Variants in TMC5 observed in about 807,000 individuals in gnomAD.
TMC5 encodes the protein transmembrane channel like 5.
In TMC5, 86 loss-of-function variants were observed where a neutral mutation model predicts 110.5. The observed-to-expected ratio is 0.78, with a 90% confidence interval of 0.65 to 0.93. TMC5 has a LOEUF of 0.93. TMC5 is among the 40% of genes least tolerant of loss of function. TMC5 has a pLI of 0.00. For synonymous variants in TMC5, 455 were observed against 439.5 expected (o/e 1.04, Z -0.44); for missense variants, 1,144 against 1,222.8 (o/e 0.94, Z 0.96).
Position 19,487,252 on chromosome 16 carries a change from G to A in TMC5, c.2499G>A (p.Met833Ile). 1.9e-6 allele frequency: 3 copies of A among 1,614,134 alleles called. No individual in the cohort carries two copies. The highest frequency in any genetic ancestry group is 8.5e-7 in the Non-Finnish European group (1 of 1,180,024). ...AAGCCTGGCGGGCCTCACAGATGAT[G>A]ACTTTCTTCATCTTCTTGCTCTTTT... ...PSKAWRASQM[M>I]TFFIFLLFFP... Residue 833 changes from methionine (M) to isoleucine (I), a missense_variant, in exon 17 of 22, where the codon ATG (methionine) becomes ATA (isoleucine). Transcript: ENST00000542583.
intron 9 of TMC5, 128 bp from the exon 10 acceptor site, chr16:19,469,553 C>A: frequency 8.4e-7 from 1 of 1,186,042 alleles, no homozygotes; most frequent in Non-Finnish European, 1.2e-6. Context: ...CGCTCCAGGC[C>A]AACAGCTTGG....
At position 19,492,322 on chromosome 16, in the gene TMC5, C is replaced by G. The variant is rs543558234; in HGVS notation, c.2826+94C>G. 3.6e-4 allele frequency: 286 copies of G among 792,182 alleles called. 2 individuals are homozygous for G. In the African/African-American group the frequency reaches 4.4e-3, roughly 12 times the overall value. The allele number at this position is 792,182 out of a possible 1,614,324, so 49.1% of individuals were successfully genotyped here. A position where few individuals can be genotyped will look rare whatever the true frequency, so the allele number is the denominator to read the frequency against. On this transcript the variant is annotated intron_variant, in intron 19 of 21. Transcript: ENST00000542583. ...AATAAAGAGAATACTACAATGAACT[C>G]TCATATCCCTGCTCTCAGCCCTAAC...
At chr16:19,426,525 A>C (rs1299642957) in intron 1 of TMC5, among the ~76,000 whole-genome samples, 1 of 152,122 alleles carries the variant, frequency 6.6e-6, no homozygotes, top group East Asian at 1.9e-4. Context: ...ATAGCAGAGG[A>C]GCCCACTCCT....
At chr16:19,464,580 G>A (rs1288802880) in intron 8 of TMC5, among the ~76,000 whole-genome samples, 1 of 152,086 alleles carries the variant, frequency 6.6e-6, no homozygotes, top group East Asian at 1.9e-4. Context: ...CACGTACAGA[G>A]GCATTCTTTT....
rs201487437 is a variant in TMC5, at chr16:19,464,077, G to A, written c.1485+53G>A. 1.2e-4 allele frequency: 192 copies of A among 1,583,478 alleles called. 1 individual carries two copies. The highest frequency in any genetic ancestry group is 3.8e-4 in the Middle Eastern group (2 of 5,276). On this transcript the variant is annotated intron_variant, in intron 8 of 21. Coordinates refer to ENST00000542583, the MANE Select transcript of TMC5 (RefSeq NM_001261841.2). ...GTGCACCAATCACCTCGGAAACCCA[G>A]GGACGTGCCTTGCCGGTCACCCACT...
intron 5 of TMC5, among the ~76,000 whole-genome samples, chr16:19,456,101 G>A (rs927682928): frequency 2.0e-5 from 3 of 151,912 alleles, no homozygotes; most frequent in Non-Finnish European, 4.4e-5. Context: ...CAGCTACTTG[G>A]GAGGCTGAGG....
In TMC5 at chr16:19,464,557, G is replaced by A. The variant is rs187939313; in HGVS notation, c.1485+533G>A. Among the ~76,000 whole-genome samples, 761 of 152,186 alleles carry A rather than the reference G, an allele frequency of 5.0e-3. 5 individuals carry two copies. The highest frequency in any genetic ancestry group is 0.012 in the South Asian group (58 of 4,818). On this transcript the variant is annotated intron_variant, in intron 8 of 21. Coordinates refer to ENST00000542583, the MANE Select transcript of TMC5 (RefSeq NM_001261841.2). ...CCACACACTTTTTTGGCAAACATATGGACACTTCTGTGCACGTACAGAGGC... is the reference window on the plus strand; with the variant it reads ...CCACACACTTTTTTGGCAAACATATAGACACTTCTGTGCACGTACAGAGGC...
chr16:19,462,472 A>G (rs1345008699), intron 6 of TMC5: 1 of 699,656 alleles, frequency 1.4e-6, no homozygotes, highest in Non-Finnish European at 2.6e-6. Flanking sequence ...TATAAAGGAA[A>G]GAGGTTTAAT....
At chr16:19,442,325 ATTTTTT>A (rs143016414) in intron 3 of TMC5, among the ~76,000 whole-genome samples, 8 of 123,440 alleles carry the variant, frequency 6.5e-5, no homozygotes, top group Admixed American at 8.3e-5. Flanking sequence ...ACAAAATGTA[ATTTTTT>A]TTTTTTTTTT....
At position 19,498,023 on chromosome 16, in the gene TMC5, G is replaced by T. The variant is rs1335441255; in HGVS notation, c.*57G>T. ...TAAGGGGAGGAGACGAAAATGGAAT[G>T]ATTTCTTCCATGCCACCTGTGCCTT... On this transcript the variant is annotated 3_prime_UTR_variant, in exon 22 of 22. Coordinates refer to ENST00000542583, the MANE Select transcript of TMC5 (RefSeq NM_001261841.2). 6 of 1,518,100 alleles carry T rather than the reference G, an allele frequency of 4.0e-6. No homozygotes were observed. In the African/African-American group the frequency reaches 5.5e-5, roughly 14 times the overall value. The allele number at this position is 1,518,100 out of a possible 1,614,324, so 94.0% of individuals were successfully genotyped here.
At chr16:19,491,002 C>CCTTCCTTA (rs1257422709) in intron 18 of TMC5, among the ~76,000 whole-genome samples, 1 of 130,502 alleles carries the variant, frequency 7.7e-6, no homozygotes, top group African/African-American at 2.9e-5. Context: ...TTCCTTCCTT[C>CCTTCCTTA]CTTACTTCTC....
At chr16:19,472,437 G>A (rs958026597) in intron 11 of TMC5, among the ~76,000 whole-genome samples, 194 bp downstream of exon 11, 22 of 152,122 alleles carry the variant, frequency 1.4e-4, no homozygotes, top group African/African-American at 3.9e-4. Context: ...CTGGGAGGCC[G>A]AGGCAGGAGG....
At position 19,449,529 on chromosome 16, in the gene TMC5, C is replaced by G. The variant is rs1967699647; in HGVS notation, c.959-13C>G. ...GAGACTAATCGGCAATATCTCCTTC[C>G]TCTTCCCTCCAGTGAACCCTGCTTA... On this transcript the variant is annotated splice_polypyrimidine_tract_variant and intron_variant, in intron 4 of 21. Coordinates refer to ENST00000542583, the MANE Select transcript of TMC5 (RefSeq NM_001261841.2). 1 of 1,611,826 alleles carries G rather than the reference C, an allele frequency of 6.2e-7. No individual in the cohort carries two copies. Among genetic ancestry groups the G allele is most frequent in the Admixed American group, 1.7e-5 (1 of 59,990 alleles).
At chr16:19,490,248 C>G (rs1968852660) in intron 17 of TMC5, 147 bp from the exon 18 acceptor site, 6 of 784,862 alleles carry the variant, frequency 7.6e-6, no homozygotes, top group African/African-American at 3.5e-5. Context: ...AGGCTGAGAG[C>G]AAGAGGGTTT....
chr16:19,466,716 G>A (rs567543109), intron 9 of TMC5, among the ~76,000 whole-genome samples: 3 of 152,156 alleles, frequency 2.0e-5, no homozygotes, highest in South Asian at 2.1e-4. Flanking sequence ...ATAGGAGTTT[G>A]GACAGAGGAA....
intron 2 of TMC5, among the ~76,000 whole-genome samples, chr16:19,437,547 G>T (rs971687609): frequency 6.6e-6 from 1 of 152,178 alleles, no homozygotes; most frequent in South Asian, 2.1e-4. Context: ...TAATATTATC[G>T]TAGCTCTGAT....
At chr16:19,489,536 G>A (rs1013816615) in intron 17 of TMC5, among the ~76,000 whole-genome samples, 6 of 151,830 alleles carry the variant, frequency 4.0e-5, no homozygotes, top group Admixed American at 2.0e-4. Context: ...GGGTTTCACC[G>A]TGTTAGCCAG....
intron 5 of TMC5, among the ~76,000 whole-genome samples, chr16:19,454,316 G>A (rs994520450): frequency 6.6e-6 from 1 of 152,166 alleles, no homozygotes; most frequent in African/African-American, 2.4e-5. Flanking sequence ...AAAGTGCTGT[G>A]ATTAGAGGCA....
chr16:19,425,111 A>G (rs1438674752), intron 1 of TMC5, among the ~76,000 whole-genome samples: 1 of 152,230 alleles, frequency 6.6e-6, no homozygotes, highest in Non-Finnish European at 1.5e-5. Context: ...CCAACGTTTT[A>G]GGAGCCTGTG....
Sources: gnomAD v4.1 joint callset for allele counts (sites outside exome capture counted in the v4.1 genomes callset) on GRCh38, gnomAD v4.1.1 for gene constraint, MANE v1.5 for transcripts, NCBI Gene and HGNC (gene_info 2026-07-23, HGNC 2026-07-21) for gene names.